The following GET1 variants were observed in gnomAD, a reference collection of about 807,000 sequenced individuals.
The protein encoded by GET1 is guided entry of tail-anchored proteins factor 1.
GET1 carries 20 observed loss-of-function variants against 22.6 expected under a neutral mutation model. The ratio of observed to expected loss-of-function variants is 0.89; its 90% CI spans 0.62 to 1.29. GET1 has a LOEUF of 1.29. GET1 is among the 50% of genes most tolerant of loss of function. The probability of loss-of-function intolerance (pLI) is 0.00; values close to 1 mark genes in which losing one functional copy is unlikely to be tolerated. For missense variants in GET1, 209 were observed against 219.9 expected, an observed-to-expected ratio of 0.95 and a Z score of 0.31; for synonymous variants, 92 against 83.8, an observed-to-expected ratio of 1.10 and a Z score of -0.53.
At chr21:39,388,843 G>T (rs1049518382) in intron 1 of GET1, among the ~76,000 whole-genome samples, 7 of 152,188 alleles carry the variant, frequency 4.6e-5, no homozygotes, top group African/African-American at 1.7e-4. Context: ...GTGGACGGCT[G>T]GGGCTGGTGC....
At chr21:39,423,340 A>G in intron 1 of GET1, 1 of 1,613,098 alleles carries the variant, frequency 6.2e-7, no homozygotes, top group Non-Finnish European at 8.5e-7. Flanking sequence ...CATATCAGCT[A>G]ATTCATTTTT....
chr21:39,414,740 C>CTGTGTGTGTGTG (rs796818060), intron 1 of GET1, among the ~76,000 whole-genome samples: 152 of 104,102 alleles, frequency 1.5e-3, no homozygotes, highest in Middle Eastern at 5.4e-3. Context: ...CTCTCTCTCT[C>CTGTGTGTGTGTG]TCTGTGTGTG....
chr21:39,397,912 A>G (rs2038738174), downstream of GET1: 1 of 151,966 alleles, frequency 6.6e-6, no homozygotes, highest in South Asian at 2.1e-4. Flanking sequence ...TCATATTTGT[A>G]CTCTTTTGTT....
downstream of GET1, among the ~76,000 whole-genome samples, chr21:39,401,753 G>T (rs1455024131): frequency 6.6e-6 from 1 of 152,184 alleles, no homozygotes; most frequent in Non-Finnish European, 1.5e-5. Context: ...TTGTGTGTGT[G>T]TGTCACGTTT....
intron 4 of GET1, among the ~76,000 whole-genome samples, chr21:39,396,532 A>C (rs1037562598): frequency 3.3e-5 from 5 of 151,496 alleles, no homozygotes; most frequent in Non-Finnish European, 5.9e-5. Flanking sequence ...TGTCTCAAAA[A>C]AAAAATTAGC....
intron 1 of GET1, among the ~76,000 whole-genome samples, chr21:39,385,658 C>T (rs551201865): frequency 5.3e-5 from 8 of 152,294 alleles, no homozygotes; most frequent in African/African-American, 1.9e-4. Flanking sequence ...CCAGGACTGG[C>T]GGGGGCTGAG....
chr21:39,382,472 G>A (rs993977482), intron 1 of GET1, among the ~76,000 whole-genome samples: 3 of 152,146 alleles, frequency 2.0e-5, no homozygotes, highest in African/African-American at 7.2e-5. Context: ...CTGTGAATTT[G>A]ACTACTCTTG....
At chr21:39,392,198 T>G (rs1486613330) in intron 3 of GET1, among the ~76,000 whole-genome samples, 1 of 152,212 alleles carries the variant, frequency 6.6e-6, no homozygotes, top group Non-Finnish European at 1.5e-5. Context: ...TGGCCCTTAC[T>G]TGTTACCTGG....
At chr21:39,387,971 A>C in intron 1 of GET1, 1 of 578,478 alleles carries the variant, frequency 1.7e-6, no homozygotes, top group Non-Finnish European at 2.2e-6. Context: ...AACAAACACA[A>C]ATGTGCAGAA....
At chr21:39,428,024 A>G in intron 1 of GET1, 1 of 590,052 alleles carries the variant, frequency 1.7e-6, no homozygotes, top group Non-Finnish European at 3.1e-6. Flanking sequence ...TCTATTTCCT[A>G]ATTTATTCTA....
At chr21:39,414,529 T>G (rs988792553) in intron 1 of GET1, among the ~76,000 whole-genome samples, 1 of 152,142 alleles carries the variant, frequency 6.6e-6, no homozygotes, top group African/African-American at 2.4e-5. Flanking sequence ...TTTCCTAGAA[T>G]TCCCACGACA....
At chr21:39,406,354 G>C (rs147712761) in exon 5 of GET1, 1 of 1,614,142 alleles carries the variant, frequency 6.2e-7, no homozygotes, top group Non-Finnish European at 8.5e-7. Context: ...GGGGCCTTTC[G>C]TGTAGGGAGC....
chr21:39,383,137 G>C (rs2146907779), intron 1 of GET1, among the ~76,000 whole-genome samples: 1 of 151,962 alleles, frequency 6.6e-6, no homozygotes, highest in Admixed American at 6.6e-5. Context: ...TGTATTTTTA[G>C]TAGAGACGAG....
chr21:39,406,996 G>A (rs1289102375), downstream of GET1, among the ~76,000 whole-genome samples: 1 of 152,184 alleles, frequency 6.6e-6, no homozygotes, highest in Non-Finnish European at 1.5e-5. Context: ...GGAGGCTGAG[G>A]CAGGAGGACT....
chr21:39,396,909 T>A lies in GET1; in HGVS notation c.495T>A (p.Val165=). The A allele has an allele frequency of 1.2e-6, 2 of 1,614,106 alleles. No homozygotes were observed. The highest frequency in any genetic ancestry group is 1.7e-6 in the Non-Finnish European group (2 of 1,180,034). The change falls in exon 5 of 5, where the codon GTT becomes GTA. Residue 165 remains valine (V), a synonymous_variant. Transcript: ENST00000649170. ...GTTGGATTTTAGTCTGTAACAAAGT[T>A]GTCGCTATTGTGCTTCATCCGTTCA... is the stretch of plus-strand genomic sequence containing the variant. The part of the protein sequence containing the change: ...ITCWILVCNK[V]VAIVLHPFS
chr21:39,398,337 C>T (rs1009133283), downstream of GET1, among the ~76,000 whole-genome samples: 5 of 152,156 alleles, frequency 3.3e-5, no homozygotes, highest in Non-Finnish European at 7.3e-5. Context: ...TGATGGTGGA[C>T]AGTCAACAGT....
In GET1 at chr21:39,386,890, G is replaced by C. The variant is rs572940243; in HGVS notation, c.103-3808G>C. 2.0e-5 allele frequency among the ~76,000 whole-genome samples: 3 copies of C among 151,754 alleles called. No homozygotes were observed. The South Asian group carries it at 6.2e-4, about 32-fold the overall frequency. ...GACAGGGTCTCACTCTGTTGCCAAGGCTGTAGTGTGGTGGTGCCATCATAA... is the reference window on the plus strand; with the variant it reads ...GACAGGGTCTCACTCTGTTGCCAAGCCTGTAGTGTGGTGGTGCCATCATAA... On this transcript the variant is annotated intron_variant, in intron 1 of 4. Coordinates refer to ENST00000649170, the MANE Select transcript of GET1 (RefSeq NM_004627.6).
chr21:39,408,933 T>C (rs1409443206), downstream of GET1, among the ~76,000 whole-genome samples: 1 of 152,226 alleles, frequency 6.6e-6, no homozygotes, highest in Non-Finnish European at 1.5e-5. Flanking sequence ...TTGAATAATT[T>C]GCTACTCAGT....
At chr21:39,411,576 G>A (rs971844040), downstream of GET1, 9 of 465,912 alleles carry the variant, frequency 1.9e-5, no homozygotes, top group Non-Finnish European at 2.7e-5. Flanking sequence ...TCTCAGTCTC[G>A]TTATTCTTCT....
Sources: gnomAD v4.1 joint callset for allele counts (sites outside exome capture counted in the v4.1 genomes callset) on GRCh38, gnomAD v4.1.1 for gene constraint, MANE v1.5 for transcripts, NCBI Gene and HGNC (gene_info 2026-07-23, HGNC 2026-07-21) for gene names.